Variants in SSBP2 observed in about 807,000 individuals in gnomAD.
SSBP2 encodes the protein single stranded DNA binding protein 2.
Under a neutral mutation model 61.8 loss-of-function variants are expected in SSBP2, and 17 were observed. That is an observed-to-expected ratio of 0.28 (90% CI 0.19 to 0.41). The LOEUF is 0.41. Among genes scored for constraint, SSBP2 ranks in the 10% least tolerant of loss-of-function variants. The probability of loss-of-function intolerance (pLI) is 1.00; values close to 1 mark genes in which losing one functional copy is unlikely to be tolerated. For missense variants in SSBP2, 310 were observed against 458.7 expected (o/e 0.68, Z 2.96); for synonymous variants, 139 against 141.3 (o/e 0.98, Z 0.12).
chr5:81,589,797 T>G (rs898556117), intron 4 of SSBP2, among the ~76,000 whole-genome samples: 1 of 152,122 alleles, frequency 6.6e-6, no homozygotes, highest in Non-Finnish European at 1.5e-5. Flanking sequence ...AGAGGCTATA[T>G]CTGGTGAGGG....
intron 5 of SSBP2, among the ~76,000 whole-genome samples, chr5:81,510,778 A>G (rs570184869): frequency 6.6e-6 from 1 of 151,794 alleles, no homozygotes; most frequent in African/African-American, 2.4e-5. Context: ...AAAAAAATTC[A>G]CTTGGAGTAC....
intron 1 of SSBP2, among the ~76,000 whole-genome samples, chr5:81,693,861 G>A (rs888781048): frequency 7.2e-5 from 11 of 152,112 alleles, no homozygotes; most frequent in African/African-American, 2.4e-4. Flanking sequence ...TCAGTATATT[G>A]AAGAGATACC....
chr5:81,454,402 C>G (rs909413499), intron 10 of SSBP2, among the ~76,000 whole-genome samples: 7 of 152,188 alleles, frequency 4.6e-5, no homozygotes, highest in Admixed American at 6.5e-5. Flanking sequence ...TAGATAGGGA[C>G]AGGCGTGGTG....
In SSBP2 at chr5:81,414,937, C is replaced by T. The variant is rs1464273123; in HGVS notation, c.*5567G>A. ...CATATTACTATTCCCAACACACACA[C>T]ACAGGTACACGCAACATATTTAGTA... On this transcript the variant is annotated 3_prime_UTR_variant, in exon 17 of 17. Coordinates refer to ENST00000320672, the MANE Select transcript of SSBP2 (RefSeq NM_012446.5). 1.3e-5 allele frequency: 2 copies of T among 152,166 alleles called. No homozygotes were observed. The highest frequency in any genetic ancestry group is 2.9e-5 in the Non-Finnish European group (2 of 68,038). 9.4% of individuals were successfully genotyped at this position (152,166 alleles called of 1,614,324 possible).
In SSBP2 at chr5:81,632,746, G is replaced by A. The variant is rs144019094; in HGVS notation, c.197+3811C>T. On this transcript the variant is annotated intron_variant, in intron 3 of 16. Transcript: ENST00000320672. ...TCTCTTAAACACTAAACATGCTAAT[G>A]TCTCTCCCATCTAAAATGAAAAACT... 8.5e-5 allele frequency among the ~76,000 whole-genome samples: 13 copies of A among 152,206 alleles called. No individual in the cohort carries two copies. The Middle Eastern group carries it at 0.01, about 119-fold the overall frequency.
intron 5 of SSBP2, among the ~76,000 whole-genome samples, chr5:81,500,970 T>G (rs1246684552): frequency 6.7e-6 from 1 of 150,314 alleles, no homozygotes; most frequent in Non-Finnish European, 1.5e-5. Flanking sequence ...TCCCAGCACT[T>G]TGGGAGGCAA....
At chr5:81,553,764 T>C (rs894658004) in intron 4 of SSBP2, among the ~76,000 whole-genome samples, 1 of 152,156 alleles carries the variant, frequency 6.6e-6, no homozygotes. Context: ...TTACAATGTA[T>C]TTACTTTTTA....
rs138771690 is a variant in SSBP2 at position 81,484,643 on chromosome 5, T to G, written c.432+4607A>C. Among the ~76,000 whole-genome samples the G allele has an allele frequency of 9.3e-3, 1,423 of 152,266 alleles. 13 individuals carry two copies. The highest frequency in any genetic ancestry group is 0.04 in the South Asian group (191 of 4,826). On this transcript the variant is annotated intron_variant, in intron 6 of 16. Coordinates refer to ENST00000320672, the MANE Select transcript of SSBP2 (RefSeq NM_012446.5). ...TCTAAACCAGCCAAAGAGGCTACTT[T>G]ATGCTTTTAATCATTAATCACTAAC... is the stretch of plus-strand genomic sequence containing the variant.
intron 4 of SSBP2, among the ~76,000 whole-genome samples, chr5:81,603,863 T>C (rs1744619895): frequency 6.6e-6 from 1 of 152,164 alleles, no homozygotes; most frequent in African/African-American, 2.4e-5. Context: ...AATGAGCATA[T>C]ACAAATAAGG....
At chr5:81,644,249 C>G (rs1749067954) in intron 2 of SSBP2, among the ~76,000 whole-genome samples, 1 of 152,160 alleles carries the variant, frequency 6.6e-6, no homozygotes, top group African/African-American at 2.4e-5. Flanking sequence ...ATTGGGAAAA[C>G]TCCTTAATGG....
At chr5:81,638,584 A>T (rs1403188994) in intron 2 of SSBP2, among the ~76,000 whole-genome samples, 1 of 148,590 alleles carries the variant, frequency 6.7e-6, no homozygotes, top group Non-Finnish European at 1.5e-5. Context: ...AGGTGCTATT[A>T]TTTTTTTTTT....
At chr5:81,584,414 ACAAAG>A (rs1774913395) in intron 4 of SSBP2, among the ~76,000 whole-genome samples, 1 of 152,216 alleles carries the variant, frequency 6.6e-6, no homozygotes, top group African/African-American at 2.4e-5. Flanking sequence ...TCTTATCAGT[ACAAAG>A]AAATAATTTA....
At chr5:81,432,900 T>C (rs1397935113) in intron 15 of SSBP2, among the ~76,000 whole-genome samples, 2 of 133,656 alleles carry the variant, frequency 1.5e-5, no homozygotes, top group Admixed American at 1.5e-4. Flanking sequence ...GGAGCCCCTC[T>C]GCCCGGCCAG....
intron 6 of SSBP2, among the ~76,000 whole-genome samples, chr5:81,484,215 T>G (rs972525240): frequency 9.8e-5 from 15 of 152,290 alleles, no homozygotes; most frequent in Admixed American, 5.2e-4. Flanking sequence ...TATTGACTTA[T>G]CCAAAAATGG....
At chr5:81,428,813 A>G in intron 15 of SSBP2, 130 bp from the exon 16 acceptor site, 2 of 595,818 alleles carry the variant, frequency 3.4e-6, no homozygotes, top group Non-Finnish European at 5.8e-6. Context: ...TTAGACTTCT[A>G]CCATGTATTC....
At chr5:81,565,882 T>C (rs767639593) in intron 4 of SSBP2, among the ~76,000 whole-genome samples, 11 of 152,184 alleles carry the variant, frequency 7.2e-5, no homozygotes, top group Non-Finnish European at 1.5e-4. Context: ...AGTCACCATA[T>C]TTCCTCCTTA....
Position 81,446,795 on chromosome 5 carries a change from C to T in SSBP2, c.778+73G>A. Reference sequence around the variant, plus strand: ...AACATGAATACTACTAACTTTATTTCATGAACAATTTCTATATTCTGTGAT... The same window carrying T: ...AACATGAATACTACTAACTTTATTTTATGAACAATTTCTATATTCTGTGAT... On this transcript the variant is annotated intron_variant, in intron 12 of 16. Coordinates refer to ENST00000320672, the MANE Select transcript of SSBP2 (RefSeq NM_012446.5). 6 of 1,464,298 alleles carry T rather than the reference C, an allele frequency of 4.1e-6. No individual in the cohort carries two copies. In the South Asian group the frequency reaches 7.6e-5, roughly 18 times the overall value. The allele number at this position is 1,464,298 out of a possible 1,614,324, so 90.7% of individuals were successfully genotyped here. A position where few individuals can be genotyped will look rare whatever the true frequency, so the allele number is the denominator to read the frequency against.
chr5:81,706,899 T>C (rs146581819), intron 1 of SSBP2, among the ~76,000 whole-genome samples: 163 of 152,320 alleles, frequency 1.1e-3, no homozygotes, highest in African/African-American at 3.7e-3. Flanking sequence ...AGCTGGAGCA[T>C]GAGGTGACAC....
intron 1 of SSBP2, among the ~76,000 whole-genome samples, chr5:81,667,329 A>ACACG (rs1430455336): frequency 6.9e-6 from 1 of 145,882 alleles, no homozygotes; most frequent in Non-Finnish European, 1.5e-5. Flanking sequence ...ACACACACAC[A>ACACG]CACGCTCCAA....
Sources: allele counts gnomAD v4.1 joint callset (sites outside exome capture counted in the v4.1 genomes callset), GRCh38; gene constraint gnomAD v4.1.1; transcripts MANE v1.5; gene names NCBI Gene and HGNC (gene_info 2026-07-23, HGNC 2026-07-21).